The following UBE3D variants were observed in gnomAD, a reference collection of about 807,000 sequenced individuals.
The protein encoded by UBE3D is E3 ubiquitin-protein ligase E3D.
A neutral mutation model predicts 49.6 loss-of-function variants in UBE3D; 48 were observed. That is an observed-to-expected ratio of 0.97 (90% CI 0.77 to 1.23). UBE3D has a LOEUF of 1.23. UBE3D is among the 50% of genes most tolerant of loss of function. UBE3D has a pLI of 0.00. For synonymous variants in UBE3D, 189 were observed against 174.2 expected (o/e 1.08, Z -0.67); for missense variants, 452 against 468.4 (o/e 0.96, Z 0.32).
downstream of UBE3D, among the ~76,000 whole-genome samples, chr6:82,887,435 G>A (rs184791464): frequency 1.5e-5 from 2 of 136,878 alleles, no homozygotes; most frequent in Non-Finnish European, 1.5e-5. Context: ...TGGGCTGGGC[G>A]CGGTGGCTCA....
At chr6:83,003,750 T>C (rs1424635099) in intron 8 of UBE3D, among the ~76,000 whole-genome samples, 1 of 152,166 alleles carries the variant, frequency 6.6e-6, no homozygotes, top group Non-Finnish European at 1.5e-5. Flanking sequence ...ACAGGAAAGA[T>C]AGAGTATTAT....
chr6:83,046,459 G>A (rs540857056), intron 3 of UBE3D, among the ~76,000 whole-genome samples: 1 of 152,220 alleles, frequency 6.6e-6, no homozygotes, highest in Non-Finnish European at 1.5e-5. Context: ...TGCTGAGCCT[G>A]TTAAGCATAC....
the UBE3D span, among the ~76,000 whole-genome samples, chr6:82,884,143 G>T: frequency 6.6e-6 from 1 of 152,170 alleles, no homozygotes; most frequent in African/African-American, 2.4e-5. Context: ...ATAGGCACTG[G>T]GGTGCAGGGA....
intron 8 of UBE3D, among the ~76,000 whole-genome samples, chr6:83,005,218 G>A (rs1197936898): frequency 5.3e-5 from 8 of 151,618 alleles, no homozygotes; most frequent in Admixed American, 2.6e-4. Context: ...AATAACCAAC[G>A]AACACGAAAG....
In UBE3D at chr6:83,027,368, G is replaced by A. The variant is rs1404741746; in HGVS notation, c.668-3330C>T. Among the ~76,000 whole-genome samples the A allele has an allele frequency of 5.6e-5, 8 of 141,632 alleles. No homozygotes were observed. In the East Asian group the frequency reaches 8.9e-4, roughly 16 times the overall value. 92.9% of individuals were successfully genotyped at this position (141,632 alleles called of 152,430 possible). On this transcript the variant is annotated intron_variant, in intron 5 of 9. Coordinates refer to ENST00000369747, the MANE Select transcript of UBE3D (RefSeq NM_198920.3). ...GGAGAATCGCTTGAACCCAGGAGGC[G>A]GAGGTTGCAGTGAGCCAAGACCGCA...
intron 1 of UBE3D, among the ~76,000 whole-genome samples, chr6:83,058,870 G>A (rs1026780285): frequency 2.0e-5 from 3 of 152,170 alleles, no homozygotes; most frequent in Admixed American, 6.5e-5. Context: ...AGAATATTAA[G>A]CATCTGAGTT....
At chr6:82,882,736 C>G in the UBE3D span, among the ~76,000 whole-genome samples, 1 of 152,160 alleles carries the variant, frequency 6.6e-6, no homozygotes, top group African/African-American at 2.4e-5. Flanking sequence ...ATTACAGTAT[C>G]TTTCTTCTGT....
chr6:83,034,240 AC>A (rs1562209933), intron 5 of UBE3D, among the ~76,000 whole-genome samples: 1 of 152,088 alleles, frequency 6.6e-6, no homozygotes, highest in Admixed American at 6.6e-5. Context: ...CCACACACAA[AC>A]TCACACATAT....
intron 8 of UBE3D, among the ~76,000 whole-genome samples, chr6:83,000,758 A>C (rs936960766): frequency 6.6e-6 from 1 of 150,672 alleles, no homozygotes; most frequent in African/African-American, 2.5e-5. Flanking sequence ...CATCCCTTGT[A>C]CTCACTGTAC....
At chr6:82,942,455 T>C (rs934114643) in intron 9 of UBE3D, among the ~76,000 whole-genome samples, 2 of 152,034 alleles carry the variant, frequency 1.3e-5, no homozygotes, top group African/African-American at 4.8e-5. Context: ...ACCAAGACAA[T>C]GGGAAAAATG....
chr6:82,974,082 A>G (rs1039609266), intron 8 of UBE3D, among the ~76,000 whole-genome samples: 4 of 152,358 alleles, frequency 2.6e-5, no homozygotes, highest in South Asian at 2.1e-4. Flanking sequence ...CAATGTAACA[A>G]TATTAGGTTG....
At chr6:82,934,767 A>G (rs1209855023) in intron 9 of UBE3D, among the ~76,000 whole-genome samples, 1 of 150,754 alleles carries the variant, frequency 6.6e-6, no homozygotes, top group Non-Finnish European at 1.5e-5. Flanking sequence ...AGAGATTTTT[A>G]AAATGTGATA....
At chr6:82,908,251 A>T (rs10943915) in intron 9 of UBE3D, among the ~76,000 whole-genome samples, 58,537 of 151,968 alleles carry the variant, frequency 0.39, 12,856 homozygotes, top group African/African-American at 0.61. Context: ...ATCTTCTTTT[A>T]GGATAATGGT....
chr6:83,063,330 C>T (rs12153819), intron 1 of UBE3D: 16,098 of 167,448 alleles, frequency 0.096, 975 homozygotes, highest in East Asian at 0.16. Flanking sequence ...GGGAGGATTG[C>T]TTGAGCCCAG....
downstream of UBE3D, among the ~76,000 whole-genome samples, chr6:82,889,932 AAAC>A (rs1322800862): frequency 2.6e-5 from 4 of 151,574 alleles, no homozygotes; most frequent in African/African-American, 9.7e-5. Flanking sequence ...TACTAGATAA[AAAC>A]AAGTTCACAG....
At chr6:83,044,355 T>C in intron 4 of UBE3D, 73 bp downstream of exon 4, 1 of 1,432,722 alleles carries the variant, frequency 7.0e-7, no homozygotes, top group South Asian at 1.2e-5. Flanking sequence ...AAGCCCTTAA[T>C]TAGGAAAAGA....
chr6:83,047,383 C>G lies in UBE3D; in HGVS notation c.366-2724G>C, dbSNP rs557014140. Among the ~76,000 whole-genome samples the G allele has an allele frequency of 6.6e-5, 10 of 152,150 alleles. No individual in the cohort carries two copies. In the East Asian group the frequency reaches 1.9e-3, roughly 29 times the overall value. On this transcript the variant is annotated intron_variant, in intron 3 of 9. Transcript: ENST00000369747. ...CTGAATGCAGTTTCTTCTTGGGAAC[C>G]CTACAAACTATATCAAGAATTGTTA...
intron 8 of UBE3D, among the ~76,000 whole-genome samples, chr6:83,010,656 G>C (rs1363084319): frequency 6.6e-6 from 1 of 152,214 alleles, no homozygotes; most frequent in Non-Finnish European, 1.5e-5. Context: ...CAGGCCATCT[G>C]TAAGCTGAGG....
chr6:82,943,154 T>C (rs1775138841), intron 9 of UBE3D, among the ~76,000 whole-genome samples: 1 of 152,244 alleles, frequency 6.6e-6, no homozygotes, highest in Non-Finnish European at 1.5e-5. Flanking sequence ...CAGACTTACA[T>C]GGGGCCTGTA....
Sources: allele counts gnomAD v4.1 joint callset (sites outside exome capture counted in the v4.1 genomes callset), GRCh38; gene constraint gnomAD v4.1.1; transcripts MANE v1.5; gene names NCBI Gene and HGNC (gene_info 2026-07-23, HGNC 2026-07-21).